Variants in ZNF341 observed in about 807,000 individuals in gnomAD.
ZNF341 encodes the protein zinc finger protein 341.
Under a neutral mutation model 87.7 loss-of-function variants are expected in ZNF341, and 52 were observed. The ratio of observed to expected loss-of-function variants is 0.59; its 90% CI spans 0.47 to 0.75. ZNF341 has a LOEUF of 0.75. Among genes scored for constraint, ZNF341 ranks in the 30% least tolerant of loss-of-function variants. The pLI is 0.00. For synonymous variants in ZNF341, 459 were observed against 472.7 expected, an observed-to-expected ratio of 0.97 and a Z score of 0.38; for missense variants, 977 against 1,145.9, an observed-to-expected ratio of 0.85 and a Z score of 2.13.
chr20:33,764,677 C>T (rs1465972708), intron 8 of ZNF341, among the ~76,000 whole-genome samples: 4 of 141,820 alleles, frequency 2.8e-5, no homozygotes, highest in African/African-American at 7.9e-5. Context: ...GTATTTAACC[C>T]GATATATTAA....
chr20:33,769,983 G>A, intron 9 of ZNF341, 101 bp from the exon 10 acceptor site: 1 of 747,476 alleles, frequency 1.3e-6, no homozygotes. Flanking sequence ...GCAGTGGTCA[G>A]ATCATTTACC....
intron 4 of ZNF341, 89 bp from the exon 5 acceptor site, chr20:33,753,083 C>A: frequency 6.3e-7 from 1 of 1,581,892 alleles, no homozygotes; most frequent in Admixed American, 1.7e-5. Flanking sequence ...GTTTTTCCAC[C>A]TGGCTGGCTA....
chr20:33,747,459 C>T (rs1345545490), intron 3 of ZNF341, among the ~76,000 whole-genome samples: 2 of 143,914 alleles, frequency 1.4e-5, no homozygotes, highest in African/African-American at 5.7e-5. Flanking sequence ...ACTAAAAATA[C>T]AAAAAATTAG....
chr20:33,775,957 C>T (rs2122715910), intron 10 of ZNF341, among the ~76,000 whole-genome samples: 1 of 152,212 alleles, frequency 6.6e-6, no homozygotes, highest in Non-Finnish European at 1.5e-5. Flanking sequence ...TCCTCAGCCT[C>T]CCAAAGTACT....
chr20:33,789,884 G>C (rs2019961739), intron 14 of ZNF341, among the ~76,000 whole-genome samples: 1 of 151,426 alleles, frequency 6.6e-6, no homozygotes, highest in African/African-American at 2.4e-5. Flanking sequence ...GGTGTGGAGG[G>C]AATCAGATTC....
chr20:33,757,050 C>T (rs549062682), intron 5 of ZNF341, 98 bp from the exon 6 acceptor site: 39 of 1,010,742 alleles, frequency 3.9e-5, no homozygotes, highest in African/African-American at 1.7e-4. Context: ...TAGGGGAGAG[C>T]GGCTGAGGTC....
chr20:33,766,675 G>T (rs753706734), intron 8 of ZNF341, among the ~76,000 whole-genome samples, 176 bp from the exon 9 acceptor site: 1 of 152,178 alleles, frequency 6.6e-6, no homozygotes, highest in Non-Finnish European at 1.5e-5. Flanking sequence ...TTGAGCCTGG[G>T]AATGGCCGTA....
In ZNF341 at chr20:33,763,546, A is replaced by G. The variant is rs757030751; in HGVS notation, c.1222+1491A>G. ...ACTCCTGACCTCAAGTAATCCACCC[A>G]CCTTGGCCTCCCAAAGTGCTGAGAT... On this transcript the variant is annotated intron_variant, in intron 8 of 14. Coordinates refer to ENST00000375200, the MANE Select transcript of ZNF341 (RefSeq NM_001282933.2). Among the ~76,000 whole-genome samples, 56 of 151,962 alleles carry G rather than the reference A, an allele frequency of 3.7e-4. 1 individual carries two copies. The highest frequency in any genetic ancestry group is 7.2e-4 in the Non-Finnish European group (49 of 67,982).
In ZNF341 at chr20:33,746,065, G is replaced by C. The variant is rs184353430; in HGVS notation, c.339+766G>C. The stretch of plus-strand genomic sequence containing the variant: ...CCTGCCTCAGCCTCCCAAGTAGCTG[G>C]GACTACAGGTGCCCGCCACCACACC... On this transcript the variant is annotated intron_variant, in intron 3 of 14. Coordinates refer to ENST00000375200, the MANE Select transcript of ZNF341 (RefSeq NM_001282933.2). Among the ~76,000 whole-genome samples the C allele has an allele frequency of 2.6e-3, 390 of 150,918 alleles. 3 individuals are homozygous for C. Among genetic ancestry groups the C allele is most frequent in the African/African-American group, 8.8e-3 (363 of 41,018 alleles).
At chr20:33,742,913 C>T (rs989211954) in intron 2 of ZNF341, among the ~76,000 whole-genome samples, 1 of 152,084 alleles carries the variant, frequency 6.6e-6, no homozygotes, top group African/African-American at 2.4e-5. Flanking sequence ...ATGTTTCCCA[C>T]TGAAATTTGT....
At position 33,769,989 on chromosome 20, in the gene ZNF341, T is replaced by G. The variant is rs1306991690; in HGVS notation, c.1414-95T>G. ...GCAGAGGGAGCAGTGGTCAGATCAT[T>G]TACCATCAGTGTCCAAGGCCAATGC... On this transcript the variant is annotated intron_variant, in intron 9 of 14. Transcript: ENST00000375200. 30 of 777,472 alleles carry G rather than the reference T, an allele frequency of 3.9e-5. No individual in the cohort carries two copies. In the Middle Eastern group the frequency reaches 1.4e-3, roughly 37 times the overall value. The allele number at this position is 777,472 out of a possible 1,614,324, so 48.2% of individuals were successfully genotyped here. A position where few individuals can be genotyped will look rare whatever the true frequency, so the allele number is the denominator to read the frequency against.
intron 3 of ZNF341, among the ~76,000 whole-genome samples, chr20:33,747,713 CT>C (rs570173400): frequency 0.15 from 18,193 of 125,418 alleles, 1,875 homozygotes; most frequent in African/African-American, 0.32. Flanking sequence ...CATCTCTTAC[CT>C]TTTTTTTTTT....
chr20:33,791,687 C>T lies in ZNF341; in HGVS notation c.*170C>T, dbSNP rs2020040429. ...CAGCCCATGGTCGCCCTCCTGTGCC[C>T]CTCTCCTGCCGGAAAGCCCTGCAAC... On this transcript the variant is annotated 3_prime_UTR_variant, in exon 15 of 15. Coordinates refer to ENST00000375200, the MANE Select transcript of ZNF341 (RefSeq NM_001282933.2). 1.3e-6 allele frequency: 1 copy of T among 744,538 alleles called. No individual in the cohort carries two copies. The highest frequency in any genetic ancestry group is 2.1e-6 in the Non-Finnish European group (1 of 484,736). 46.1% of individuals were successfully genotyped at this position (744,538 alleles called of 1,614,324 possible). A position where few individuals can be genotyped will look rare whatever the true frequency, so the allele number is the denominator to read the frequency against.
chr20:33,750,815 A>G (rs2019040020), intron 4 of ZNF341, among the ~76,000 whole-genome samples: 1 of 152,022 alleles, frequency 6.6e-6, no homozygotes, highest in Admixed American at 6.6e-5. Context: ...TAATTTTTGT[A>G]CTTTTAGTAG....
At chr20:33,790,448 T>G (rs1241339920) in intron 14 of ZNF341, among the ~76,000 whole-genome samples, 1 of 152,178 alleles carries the variant, frequency 6.6e-6, no homozygotes, top group Non-Finnish European at 1.5e-5. Flanking sequence ...CCCTGGCTTC[T>G]ATCTACTGGT....
intron 12 of ZNF341, among the ~76,000 whole-genome samples, chr20:33,784,101 T>C: frequency 1.4e-5 from 1 of 72,132 alleles, no homozygotes; most frequent in African/African-American, 5.7e-5. Context: ...TCCTTCCTCC[T>C]CCCCATCTCC....
At chr20:33,742,490 C>T (rs1300780398) in intron 2 of ZNF341, among the ~76,000 whole-genome samples, 9 of 152,082 alleles carry the variant, frequency 5.9e-5, no homozygotes, top group Admixed American at 6.6e-5. Context: ...CCACACCGCC[C>T]GGCCAAGTCG....
chr20:33,774,512 T>G (rs2019592808), intron 10 of ZNF341, among the ~76,000 whole-genome samples: 1 of 152,226 alleles, frequency 6.6e-6, no homozygotes, highest in African/African-American at 2.4e-5. Context: ...GATACAGATA[T>G]AAATATCACA....
chr20:33,768,247 T>C (rs531064887), intron 9 of ZNF341, among the ~76,000 whole-genome samples: 1 of 151,948 alleles, frequency 6.6e-6, no homozygotes, highest in Non-Finnish European at 1.5e-5. Context: ...CTCAGCCTCC[T>C]GAGTAGCTGG....
Sources: gnomAD v4.1 joint callset for allele counts (sites outside exome capture counted in the v4.1 genomes callset) on GRCh38, gnomAD v4.1.1 for gene constraint, MANE v1.5 for transcripts, NCBI Gene and HGNC (gene_info 2026-07-23, HGNC 2026-07-21) for gene names.